The following HS3ST3A1 variants were observed in gnomAD, a reference collection of about 807,000 sequenced individuals.
HS3ST3A1 encodes the protein heparan sulfate-glucosamine 3-sulfotransferase 3A1, also known as heparan sulfate glucosamine 3-O-sulfotransferase 3A1.
HS3ST3A1 carries 19 observed loss-of-function variants against 25.7 expected under a neutral mutation model. That is an observed-to-expected ratio of 0.74 (90% confidence interval 0.52 to 1.08). The LOEUF is 1.08. HS3ST3A1 is among the 50% of genes least tolerant of loss of function. The pLI is 0.00. For missense variants in HS3ST3A1, 459 were observed against 594.3 expected (o/e 0.77, Z 2.37); for synonymous variants, 226 against 278.6 (o/e 0.81, Z 1.88).
chr17:13,543,501 T>C (rs775546374), intron 1 of HS3ST3A1: 12 of 168,012 alleles, frequency 7.1e-5, no homozygotes, highest in Admixed American at 3.3e-4. Flanking sequence ...AAGAGAAGTT[T>C]CCAGAAGACA....
At chr17:13,597,993 C>T (rs1294695167) in intron 1 of HS3ST3A1, among the ~76,000 whole-genome samples, 1 of 152,188 alleles carries the variant, frequency 6.6e-6, no homozygotes, top group African/African-American at 2.4e-5. Context: ...AAAGGCTAGA[C>T]CTTTTAGGAT....
chr17:13,515,602 A>G (rs1906029136), intron 1 of HS3ST3A1, among the ~76,000 whole-genome samples: 1 of 148,458 alleles, frequency 6.7e-6, no homozygotes, highest in Non-Finnish European at 1.5e-5. Context: ...TAGAACTGTT[A>G]TTAACATTTT....
intron 1 of HS3ST3A1, among the ~76,000 whole-genome samples, chr17:13,554,273 C>T (rs1907316878): frequency 6.6e-6 from 1 of 152,182 alleles, no homozygotes; most frequent in Non-Finnish European, 1.5e-5. Context: ...AGCTCTGAGC[C>T]TTCCACGGAT....
At chr17:13,587,593 T>A (rs1324713729) in intron 1 of HS3ST3A1, among the ~76,000 whole-genome samples, 1 of 152,180 alleles carries the variant, frequency 6.6e-6, no homozygotes, top group Non-Finnish European at 1.5e-5. Flanking sequence ...GAAAGTGACC[T>A]CACTGTACCC....
intron 1 of HS3ST3A1, among the ~76,000 whole-genome samples, chr17:13,507,323 T>C (rs938671852): frequency 4.6e-5 from 7 of 152,170 alleles, no homozygotes; most frequent in South Asian, 2.1e-4. Flanking sequence ...ATTTCACAGA[T>C]GGGGAAATAG....
rs186792812 is a variant in HS3ST3A1 at position 13,514,363 on chromosome 17, T to C, written c.600-17545A>G. On this transcript the variant is annotated intron_variant, in intron 1 of 1. Coordinates refer to ENST00000284110, the MANE Select transcript of HS3ST3A1 (RefSeq NM_006042.3). ...AATCTTAACATTAAATAAATAAATA[T>C]CCATCTTTGACTTGTATTTTATTTA... Among the ~76,000 whole-genome samples the C allele has an allele frequency of 1.1e-3, 174 of 152,320 alleles. 1 individual carries two copies. Among genetic ancestry groups the C allele is most frequent in the African/African-American group, 3.8e-3 (157 of 41,574 alleles).
chr17:13,523,040 A>G (rs928001639), intron 1 of HS3ST3A1, among the ~76,000 whole-genome samples: 8 of 152,188 alleles, frequency 5.3e-5, no homozygotes, highest in African/African-American at 1.4e-4. Flanking sequence ...AAAAGGGTCA[A>G]GATGGAAACC....
chr17:13,550,527 C>G (rs1907209958), intron 1 of HS3ST3A1, among the ~76,000 whole-genome samples: 1 of 152,218 alleles, frequency 6.6e-6, no homozygotes, highest in Admixed American at 6.5e-5. Context: ...GCCTGGGTCC[C>G]TGAATCACCA....
At chr17:13,526,474 TTATATATATA>T (rs58701744) in intron 1 of HS3ST3A1, among the ~76,000 whole-genome samples, 6,037 of 76,286 alleles carry the variant, frequency 0.079, 271 homozygotes, top group Middle Eastern at 0.11. Context: ...ACTTTAATTT[TTATATATATA>T]TATATATATA....
intron 1 of HS3ST3A1, among the ~76,000 whole-genome samples, chr17:13,579,108 A>T (rs1033979057): frequency 6.6e-6 from 1 of 152,158 alleles, no homozygotes; most frequent in Admixed American, 6.5e-5. Flanking sequence ...ATTTTAATGA[A>T]ATTTTTTGTC....
chr17:13,577,530 A>G (rs1256325306), intron 1 of HS3ST3A1, among the ~76,000 whole-genome samples: 1 of 152,184 alleles, frequency 6.6e-6, no homozygotes, highest in Non-Finnish European at 1.5e-5. Context: ...GAGGACATTC[A>G]TGACAACAGT....
chr17:13,560,694 A>G (rs993094779), intron 1 of HS3ST3A1, among the ~76,000 whole-genome samples: 3 of 152,222 alleles, frequency 2.0e-5, no homozygotes, highest in African/African-American at 4.8e-5. Flanking sequence ...ATATCTCTAA[A>G]TAATTAACTA....
At chr17:13,600,244 T>A (rs553127101) in intron 1 of HS3ST3A1, among the ~76,000 whole-genome samples, 2 of 152,118 alleles carry the variant, frequency 1.3e-5, no homozygotes, top group South Asian at 4.1e-4. Flanking sequence ...GTTAAATACA[T>A]GAATACTTTC....
At chr17:13,562,826 T>C (rs1907583183) in intron 1 of HS3ST3A1, among the ~76,000 whole-genome samples, 1 of 152,090 alleles carries the variant, frequency 6.6e-6, no homozygotes, top group Admixed American at 6.6e-5. Context: ...CCGTAAACCA[T>C]CTTATATTTA....
intron 1 of HS3ST3A1, among the ~76,000 whole-genome samples, chr17:13,593,381 C>A (rs144510771): frequency 1.9e-4 from 29 of 152,274 alleles, no homozygotes; most frequent in Admixed American, 1.6e-3. Flanking sequence ...GAACCTTTCA[C>A]ACCTTCTTCA....
Position 13,512,321 on chromosome 17 carries a change from A to AAAAAAAAAAAC in HS3ST3A1, c.600-15504_600-15503insGTTTTTTTTTT, listed in dbSNP as rs1395357582. On this transcript the variant is annotated intron_variant, in intron 1 of 1. Transcript: ENST00000284110. ...ACTCCGTCTCAAAAAAAAAAAAAAA[A>AAAAAAAAAAAC]AAAAAACTGCATGATCCCATTTATA... is the stretch of plus-strand genomic sequence containing the variant. Among the ~76,000 whole-genome samples, 248 of 144,706 alleles carry AAAAAAAAAAAC rather than the reference A, an allele frequency of 1.7e-3. 6 individuals are homozygous for AAAAAAAAAAAC. The highest frequency in any genetic ancestry group is 5.7e-3 in the African/African-American group (218 of 38,160). 94.9% of individuals were successfully genotyped at this position (144,706 alleles called of 152,430 possible). A position where few individuals can be genotyped will look rare whatever the true frequency, so the allele number is the denominator to read the frequency against.
chr17:13,505,959 G>A (rs775622990), intron 1 of HS3ST3A1, among the ~76,000 whole-genome samples: 7 of 150,676 alleles, frequency 4.6e-5, no homozygotes, highest in Admixed American at 1.3e-4. Flanking sequence ...CCCGGGAGGC[G>A]GAGGTTGCAG....
chr17:13,525,346 G>A (rs1906377271), intron 1 of HS3ST3A1, among the ~76,000 whole-genome samples: 1 of 151,578 alleles, frequency 6.6e-6, no homozygotes, highest in Non-Finnish European at 1.5e-5. Flanking sequence ...GTAATATTAG[G>A]CTAATGCTTT....
intron 1 of HS3ST3A1, among the ~76,000 whole-genome samples, chr17:13,525,466 T>C (rs1477384728): frequency 6.6e-6 from 1 of 152,174 alleles, no homozygotes; most frequent in Non-Finnish European, 1.5e-5. Flanking sequence ...TGTGTGCTGA[T>C]GTTGTTGTTT....
Sources: gnomAD v4.1 joint callset for allele counts (sites outside exome capture counted in the v4.1 genomes callset) on GRCh38, gnomAD v4.1.1 for gene constraint, MANE v1.5 for transcripts, NCBI Gene and HGNC (gene_info 2026-07-23, HGNC 2026-07-21) for gene names.